The following RORA variants were observed in gnomAD, a reference collection of about 807,000 sequenced individuals.
RORA encodes the protein nuclear receptor ROR-alpha.
Under a neutral mutation model 69.5 loss-of-function variants are expected in RORA, and 7 were observed. The observed-to-expected ratio is 0.10, with a 90% CI of 0.06 to 0.19. The LOEUF is 0.19. Ranked by LOEUF, RORA falls within the 10% of genes least tolerant of loss-of-function variation. The pLI, the probability that RORA is intolerant of heterozygous loss-of-function variation, is 1.00. For missense variants in RORA, 457 were observed against 663.0 expected, an observed-to-expected ratio of 0.69 and a Z score of 3.41; for synonymous variants, 261 against 240.8, an observed-to-expected ratio of 1.08 and a Z score of -0.78.
intron 1 of RORA, among the ~76,000 whole-genome samples, chr15:60,757,713 C>T (rs959439744): frequency 2.0e-5 from 3 of 152,170 alleles, no homozygotes; most frequent in Non-Finnish European, 4.4e-5. Flanking sequence ...AGTGCCCATG[C>T]TTACTTGTTG....
At chr15:60,907,954 A>ACT (rs1891592323) in intron 1 of RORA, among the ~76,000 whole-genome samples, 1 of 151,650 alleles carries the variant, frequency 6.6e-6, no homozygotes, top group Admixed American at 6.6e-5. Flanking sequence ...CTCTAATGGG[A>ACT]CTCCCTTGAC....
intron 1 of RORA, among the ~76,000 whole-genome samples, chr15:61,096,817 T>C (rs1023397763): frequency 3.9e-5 from 6 of 152,196 alleles, no homozygotes; most frequent in Admixed American, 1.3e-4. Context: ...TTTGTGAGTG[T>C]TCGTGATACA....
intron 1 of RORA, among the ~76,000 whole-genome samples, chr15:60,777,857 T>C (rs1291586308): frequency 6.6e-6 from 1 of 152,160 alleles, no homozygotes; most frequent in Non-Finnish European, 1.5e-5. Flanking sequence ...GTGCAAATAC[T>C]ATTTCAAATG....
At chr15:60,823,841 T>A (rs1157335563) in intron 1 of RORA, among the ~76,000 whole-genome samples, 1 of 152,114 alleles carries the variant, frequency 6.6e-6, no homozygotes, top group African/African-American at 2.4e-5. Flanking sequence ...TGGCCATAAG[T>A]GTGGCTTCGC....
At chr15:60,598,717 TTAC>T (rs1483250609) in intron 2 of RORA, among the ~76,000 whole-genome samples, 1 of 152,238 alleles carries the variant, frequency 6.6e-6, no homozygotes, top group Non-Finnish European at 1.5e-5. Flanking sequence ...TGCAGATTTT[TTAC>T]TACAAGGGGG....
chr15:60,798,673 C>G (rs749202682), intron 1 of RORA, among the ~76,000 whole-genome samples: 16 of 152,084 alleles, frequency 1.1e-4, no homozygotes, highest in Non-Finnish European at 2.1e-4. Flanking sequence ...CTCACCCTAA[C>G]AGGCAGCATG....
At chr15:60,841,659 G>A (rs906873838) in intron 1 of RORA, among the ~76,000 whole-genome samples, 3 of 152,116 alleles carry the variant, frequency 2.0e-5, no homozygotes, top group African/African-American at 7.2e-5. Context: ...GGAATAATTC[G>A]AAGGCCACAA....
chr15:61,050,735 T>C lies in RORA; in HGVS notation c.166+178318A>G, dbSNP rs187968318. 2.8e-4 allele frequency among the ~76,000 whole-genome samples: 42 copies of C among 152,344 alleles called. 1 individual carries two copies. The South Asian group carries it at 4.6e-3, about 17-fold the overall frequency. On this transcript the variant is annotated intron_variant, in intron 1 of 10. Transcript: ENST00000335670. ...TGCGATAAGAGTAAGACCTGCTTTATTGAGCACTTACTATGTGCCAGGCAC... is the reference window on the plus strand; with the variant it reads ...TGCGATAAGAGTAAGACCTGCTTTACTGAGCACTTACTATGTGCCAGGCAC...
chr15:60,778,565 T>C (rs1448101142), intron 1 of RORA, among the ~76,000 whole-genome samples: 2 of 152,154 alleles, frequency 1.3e-5, no homozygotes, highest in Non-Finnish European at 2.9e-5. Flanking sequence ...TAATGCCTTA[T>C]GTACAAATTT....
intron 1 of RORA, among the ~76,000 whole-genome samples, chr15:60,815,040 T>A (rs776871449): frequency 2.6e-5 from 4 of 151,816 alleles, no homozygotes; most frequent in Non-Finnish European, 4.4e-5. Context: ...AACCCCCAGG[T>A]TTTTTTTCCC....
chr15:60,567,391 T>C (rs2067746443), intron 2 of RORA, among the ~76,000 whole-genome samples: 1 of 150,200 alleles, frequency 6.7e-6, no homozygotes, highest in South Asian at 2.1e-4. Flanking sequence ...CCTCTTTTAT[T>C]ATCATTATTA....
chr15:61,049,351 C>T (rs994032496), intron 1 of RORA, among the ~76,000 whole-genome samples: 8 of 152,184 alleles, frequency 5.3e-5, no homozygotes, highest in African/African-American at 1.9e-4. Context: ...ATGCATGAGG[C>T]TCGTTTCTGA....
At chr15:60,578,766 T>TC (rs991709763) in intron 2 of RORA, among the ~76,000 whole-genome samples, 7 of 127,486 alleles carry the variant, frequency 5.5e-5, no homozygotes, top group African/African-American at 2.0e-4. Flanking sequence ...TAAATGAAAC[T>TC]TTTTTTTTTT....
At chr15:61,132,373 C>T (rs2079197588) in intron 1 of RORA, among the ~76,000 whole-genome samples, 1 of 152,046 alleles carries the variant, frequency 6.6e-6, no homozygotes, top group Admixed American at 6.5e-5. Flanking sequence ...TGTCTTACAG[C>T]TCGATTGTTC....
intron 1 of RORA, among the ~76,000 whole-genome samples, chr15:60,721,226 T>C (rs916544517): frequency 1.3e-5 from 2 of 152,116 alleles, no homozygotes; most frequent in Non-Finnish European, 2.9e-5. Flanking sequence ...AAAAATGACC[T>C]CATTAAGCTG....
intron 1 of RORA, among the ~76,000 whole-genome samples, chr15:60,768,196 C>T (rs1228498738): frequency 6.6e-6 from 1 of 152,234 alleles, no homozygotes; most frequent in Non-Finnish European, 1.5e-5. Context: ...CCGCTGCCTC[C>T]TCTTTTGCCA....
At chr15:61,177,806 C>G (rs1212514391) in intron 1 of RORA, among the ~76,000 whole-genome samples, 1 of 151,078 alleles carries the variant, frequency 6.6e-6, no homozygotes, top group Non-Finnish European at 1.5e-5. Flanking sequence ...ACTAAAAATA[C>G]AAAAAATTAG....
At chr15:60,994,890 A>G (rs1894485220) in intron 1 of RORA, among the ~76,000 whole-genome samples, 1 of 152,132 alleles carries the variant, frequency 6.6e-6, no homozygotes, top group South Asian at 2.1e-4. Context: ...ACAAGTGTGG[A>G]TATTCTATTG....
intron 1 of RORA, among the ~76,000 whole-genome samples, chr15:61,218,416 G>A (rs1427168061): frequency 6.6e-6 from 1 of 152,116 alleles, no homozygotes; most frequent in African/African-American, 2.4e-5. Context: ...ACACTGAGAT[G>A]TTCTGTGTAA....
Sources: gnomAD v4.1 joint callset for allele counts (sites outside exome capture counted in the v4.1 genomes callset) on GRCh38, gnomAD v4.1.1 for gene constraint, MANE v1.5 for transcripts, NCBI Gene and HGNC (gene_info 2026-07-23, HGNC 2026-07-21) for gene names.